UBR1: variants seen among roughly 807,000 people sequenced by gnomAD.
The protein encoded by UBR1 is E3 ubiquitin-protein ligase UBR1.
Under a neutral mutation model 242.1 loss-of-function variants are expected in UBR1, and 102 were observed. The ratio of observed to expected loss-of-function variants is 0.42; its 90% CI spans 0.36 to 0.50. The LOEUF (loss-of-function observed/expected upper bound fraction) is 0.50, where lower values mean the gene tolerates loss of function less well. Among genes scored for constraint, UBR1 ranks in the 20% least tolerant of loss-of-function variants. The pLI is 0.01. For synonymous variants in UBR1, 675 were observed against 684.8 expected (o/e 0.99, Z 0.22); for missense variants, 1,772 against 2,101.8 (o/e 0.84, Z 3.07).
At chr15:43,030,103 A>C (rs536646873) in intron 20 of UBR1, 35 bp from the exon 21 acceptor site, 1 of 1,599,274 alleles carries the variant, frequency 6.3e-7, no homozygotes, top group South Asian at 1.1e-5. Flanking sequence ...AAAAAAGTAG[A>C]ATAATTATTT....
At chr15:43,075,690 A>ACCG (rs1295763290) in intron 3 of UBR1, among the ~76,000 whole-genome samples, 1 of 149,384 alleles carries the variant, frequency 6.7e-6, no homozygotes, top group Non-Finnish European at 1.5e-5. Context: ...ATCTTGGCTC[A>ACCG]CCGCAACCTC....
At chr15:43,026,848 T>A (rs1228370604) in intron 22 of UBR1, among the ~76,000 whole-genome samples, 185 bp from the exon 23 acceptor site, 1 of 152,174 alleles carries the variant, frequency 6.6e-6, no homozygotes, top group Non-Finnish European at 1.5e-5. Context: ...CAAAGCCTGA[T>A]AACAGCTAAG....
chr15:43,059,185 A>T lies in UBR1; in HGVS notation c.993T>A (p.Phe331Leu), dbSNP rs368606031. ...MNKIMSYSSD[F>L]RQIFCQACLR... ...GGCATGCTTGGCAAAAGATCTGCCT[A>T]AAGTCACCTACAAACAAAAGAGGTC... Residue 331 changes from phenylalanine to leucine, a missense_variant, in exon 9 of 47, where the codon TTT becomes TTA. By Grantham distance (22) the Phe-to-Leu change is conservative. Transcript: ENST00000290650. 1 of 1,613,864 alleles carries T rather than the reference A, an allele frequency of 6.2e-7. No individual in the cohort carries two copies. The highest frequency in any genetic ancestry group is 2.2e-5 in the East Asian group (1 of 44,868).
chr15:42,968,409 G>A (rs72721503), intron 40 of UBR1, among the ~76,000 whole-genome samples: 1 of 148,674 alleles, frequency 6.7e-6, no homozygotes, highest in East Asian at 2.0e-4. Context: ...TTTAAATAGA[G>A]AGACAGGGTC....
rs2032103035 is a variant in UBR1 at position 42,966,193 on chromosome 15, G to C, written c.4551C>G (p.His1517Gln). 2 of 1,614,016 alleles carry C rather than the reference G, an allele frequency of 1.2e-6. No homozygotes were observed. Among genetic ancestry groups the C allele is most frequent in the Admixed American group, 1.7e-5 (1 of 60,004 alleles). ...PYLRCAALFFHYLLGVTPPEE... is the reference protein window; with the variant it reads ...PYLRCAALFFQYLLGVTPPEE... ...CAGGCGGAGTTACCCCAAGTAAATA[G>C]TGGAAAAACAATGCAGCACAGCGAA... The change falls in exon 41 of 47, where the codon CAC becomes CAG. Residue 1517 changes from histidine (H) to glutamine (Q), a missense_variant. His to Gln is a conservative substitution (Grantham distance 24, BLOSUM62 0). This residue lies in a region of UBR1 where 965 missense variants were observed against 1,079.7 expected (regional missense o/e 0.89). Transcript: ENST00000290650.
Position 43,025,532 on chromosome 15 carries a change from A to G in UBR1, c.2536-103T>C, listed in dbSNP as rs2033167569. On this transcript the variant is annotated intron_variant, in intron 23 of 46. Transcript: ENST00000290650. ...ACCCAACCACCTATTAAAATACTTT[A>G]TATACTGAAGCATGTATTCAAAATG... The G allele has an allele frequency of 3.7e-6, 3 of 810,650 alleles. No homozygotes were observed. The South Asian group carries it at 4.5e-5, about 12-fold the overall frequency. 50.2% of individuals were successfully genotyped at this position (810,650 alleles called of 1,614,324 possible).
Position 43,037,108 on chromosome 15 carries a change from G to T in UBR1, c.2023-515C>A, listed in dbSNP as rs570920718. ...CATGCCTGTAATCCCAGCACTTTGG[G>T]AGGTTCAGGTGACCGGATCACCTGA... is the stretch of plus-strand genomic sequence containing the variant. On this transcript the variant is annotated intron_variant, in intron 17 of 46. Coordinates refer to ENST00000290650, the MANE Select transcript of UBR1 (RefSeq NM_174916.3). Among the ~76,000 whole-genome samples the T allele has an allele frequency of 5.3e-5, 8 of 151,964 alleles. No homozygotes were observed. The South Asian group carries it at 8.3e-4, about 16-fold the overall frequency.
chr15:43,012,575 A>C (rs1432002337), intron 29 of UBR1, among the ~76,000 whole-genome samples: 1 of 152,238 alleles, frequency 6.6e-6, no homozygotes, highest in African/African-American at 2.4e-5. Flanking sequence ...TAATGAAAGC[A>C]TTAAGGCCAT....
chr15:43,030,089 CA>C (rs751141476), intron 20 of UBR1, 21 bp from the exon 21 acceptor site: 304 of 1,586,440 alleles, frequency 1.9e-4, no homozygotes, highest in African/African-American at 5.8e-4. Context: ...TAATTAAAAA[CA>C]AAAAAAAAGT....
intron 3 of UBR1, among the ~76,000 whole-genome samples, chr15:43,081,057 T>C (rs2141356358): frequency 6.6e-6 from 1 of 152,302 alleles, no homozygotes; most frequent in East Asian, 1.9e-4. Flanking sequence ...TAAAAGTATG[T>C]TTACTTCTGT....
At chr15:43,001,371 A>T (rs547732780) in intron 32 of UBR1, among the ~76,000 whole-genome samples, 65 of 151,650 alleles carry the variant, frequency 4.3e-4, no homozygotes, top group Non-Finnish European at 8.8e-4. Context: ...CTGGTCTCCA[A>T]CTCCTGACCT....
Position 43,029,991 on chromosome 15 carries a change from T to G in UBR1, c.2332A>C (p.Ile778Leu). The G allele has an allele frequency of 6.2e-7, 1 of 1,614,138 alleles. No individual in the cohort carries two copies. Among genetic ancestry groups the G allele is most frequent in the Non-Finnish European group, 8.5e-7 (1 of 1,179,992 alleles). ...TMREIIHLLC[I>L]EPMPHSAIAK... ...ATGGCACTGTGTGGCATGGGTTCAA[T>G]GCAAAGCAAGTGAATGATTTCTCTC... Residue 778 changes from isoleucine (I) to leucine (L), a missense_variant, in exon 21 of 47, where the codon ATT becomes CTT. By Grantham distance (5) the Ile-to-Leu change is conservative. Around this residue, in one of 3 missense-constraint regions of UBR1, gnomAD observed 73 missense variants for 128.9 expected, o/e 0.57. Transcript: ENST00000290650.
chr15:43,064,593 T>TC (rs1284313596), intron 6 of UBR1, among the ~76,000 whole-genome samples: 22 of 151,920 alleles, frequency 1.4e-4, no homozygotes, highest in Middle Eastern at 3.4e-3. Context: ...TTTTTTTTTT[T>TC]TGAGATAGAA....
intron 3 of UBR1, 125 bp downstream of exon 3, chr15:43,082,513 T>A (rs554274442): frequency 2.6e-6 from 2 of 775,284 alleles, no homozygotes; most frequent in Admixed American, 4.1e-5. Flanking sequence ...TCCAATCTTT[T>A]CTTTAAAATG....
intron 12 of UBR1, among the ~76,000 whole-genome samples, chr15:43,054,420 G>A (rs2033592154): frequency 6.6e-6 from 1 of 151,976 alleles, no homozygotes; most frequent in Non-Finnish European, 1.5e-5. Context: ...TATATAGGAA[G>A]GACAGAACCA....
At chr15:43,014,514 G>T (rs1432428718) in intron 29 of UBR1, among the ~76,000 whole-genome samples, 2 of 151,304 alleles carry the variant, frequency 1.3e-5, no homozygotes, top group Admixed American at 1.3e-4. Flanking sequence ...CTGAGATGTG[G>T]GGAGCGCCTC....
rs145463591 is a variant in UBR1, at chr15:43,024,832, T to C, written c.2736A>G (p.Gln912=). The C allele has an allele frequency of 6.8e-4, 1,093 of 1,614,080 alleles. 5 individuals carry two copies. In the African/African-American group the frequency reaches 0.013, roughly 19 times the overall value. ...DSNLWTEGML[Q]MAFHILALGL... The stretch of plus-strand genomic sequence containing the variant: ...AAAATATTTCAGGTAAACAAACCAT[T>C]TGGAGCATCCCTTCGGTCCACAAGT... Residue 912 remains glutamine (Q), a synonymous_variant, in exon 25 of 47, where the codon CAA becomes CAG. Transcript: ENST00000290650.
intron 30 of UBR1, 105 bp downstream of exon 30, chr15:43,006,974 T>C: frequency 9.7e-7 from 1 of 1,030,586 alleles, no homozygotes; most frequent in Non-Finnish European, 1.5e-6. Flanking sequence ...AATGGTATGG[T>C]AGATATATAA....
intron 32 of UBR1, among the ~76,000 whole-genome samples, chr15:43,001,456 C>G (rs922103240): frequency 5.9e-5 from 9 of 152,208 alleles, no homozygotes; most frequent in African/African-American, 1.9e-4. Flanking sequence ...CAGAGCAAGT[C>G]TTTATATTGA....
Sources: gnomAD v4.1 joint callset for allele counts (sites outside exome capture counted in the v4.1 genomes callset) on GRCh38, gnomAD v4.1.1 for gene constraint, gnomAD v4.1.1 regional missense constraint, MANE v1.5 for transcripts, NCBI Gene and HGNC (gene_info 2026-07-23, HGNC 2026-07-21) for gene names.